ARHGAP29: variants seen among roughly 807,000 people sequenced by gnomAD.
The protein encoded by ARHGAP29 is rho GTPase-activating protein 29.
A neutral mutation model predicts 122.6 loss-of-function variants in ARHGAP29; 43 were observed. The observed-to-expected ratio is 0.35, with a 90% CI of 0.27 to 0.45. ARHGAP29 has a LOEUF of 0.45. Ranked by LOEUF, ARHGAP29 falls within the 20% of genes least tolerant of loss-of-function variation. The pLI, the probability that ARHGAP29 is intolerant of heterozygous loss-of-function variation, is 1.00. For synonymous variants in ARHGAP29, 506 were observed against 497.1 expected (o/e 1.02, Z -0.24); for missense variants, 1,303 against 1,477.2 (o/e 0.88, Z 1.93).
intron 17 of ARHGAP29, 128 bp downstream of exon 17, chr1:94,185,214 T>C (rs535809676): frequency 4.9e-6 from 6 of 1,214,498 alleles, no homozygotes; most frequent in African/African-American, 1.6e-5. Context: ...TATAAAATTA[T>C]AGAAGGTGTA....
chr1:94,206,901 T>A (rs1158906966), intron 5 of ARHGAP29, among the ~76,000 whole-genome samples: 5 of 149,262 alleles, frequency 3.3e-5, no homozygotes, highest in African/African-American at 4.9e-5. Flanking sequence ...TCTCAAAAAA[T>A]ATATATATAT....
chr1:94,247,468 G>A (rs2100688046), intron 1 of ARHGAP29, among the ~76,000 whole-genome samples: 1 of 151,560 alleles, frequency 6.6e-6, no homozygotes, highest in Non-Finnish European at 1.5e-5. Flanking sequence ...AGCCCCTGCC[G>A]GACCCTGGAC....
upstream of ARHGAP29, among the ~76,000 whole-genome samples, chr1:94,278,633 G>A (rs1655262974): frequency 6.6e-6 from 1 of 152,152 alleles, no homozygotes; most frequent in Non-Finnish European, 1.5e-5. Context: ...TGTCTTGAGA[G>A]ACATTCTGAA....
At chr1:94,182,811 T>TAAAAC (rs55980639) in intron 19 of ARHGAP29, among the ~76,000 whole-genome samples, 74,978 of 148,740 alleles carry the variant, frequency 0.5, 19,616 homozygotes, top group Non-Finnish European at 0.57. Context: ...AACAGGAGAA[T>TAAAAC]AAAACAAAAC....
At position 94,169,563 on chromosome 1, in the gene ARHGAP29, C is replaced by A. The variant is rs1468655975; in HGVS notation, c.*4306G>T. Among the ~76,000 whole-genome samples, 1 of 152,174 alleles carries A rather than the reference C, an allele frequency of 6.6e-6. No individual in the cohort carries two copies. The highest frequency in any genetic ancestry group is 1.5e-5 in the Non-Finnish European group (1 of 68,034). ...ATTGAATTGAAGGTGTCAATGTGAACTCAAAGTTTTCAATACGTATGTATA... is the reference window on the plus strand; with the variant it reads ...ATTGAATTGAAGGTGTCAATGTGAAATCAAAGTTTTCAATACGTATGTATA... On this transcript the variant is annotated 3_prime_UTR_variant, in exon 23 of 23. Coordinates refer to ENST00000260526, the MANE Select transcript of ARHGAP29 (RefSeq NM_004815.4).
intron 1 of ARHGAP29, among the ~76,000 whole-genome samples, chr1:94,256,225 C>T (rs1654341514): frequency 6.6e-6 from 1 of 151,362 alleles, no homozygotes; most frequent in African/African-American, 2.4e-5. Context: ...CTATTCCTCT[C>T]TGTATGTTTT....
At chr1:94,212,122 T>A (rs1651661957) in intron 3 of ARHGAP29, among the ~76,000 whole-genome samples, 2 of 152,064 alleles carry the variant, frequency 1.3e-5, no homozygotes. Flanking sequence ...CTACTAAAAG[T>A]ACAAAAATTA....
In ARHGAP29 at chr1:94,203,318, C is replaced by T. The variant is rs917566766; in HGVS notation, c.763-108G>A. On this transcript the variant is annotated intron_variant, in intron 8 of 22. Transcript: ENST00000260526. The stretch of plus-strand genomic sequence containing the variant: ...GGAAACTAAGTTTAGACTTTTGCCC[C>T]CAGAAAAATAACTAGTCAAAAACAT... 4 of 674,112 alleles carry T rather than the reference C, an allele frequency of 5.9e-6. No individual in the cohort carries two copies. The South Asian group carries it at 9.4e-5, about 16-fold the overall frequency. The allele number at this position is 674,112 out of a possible 1,614,324, so 41.8% of individuals were successfully genotyped here. A position where few individuals can be genotyped will look rare whatever the true frequency, so the allele number is the denominator to read the frequency against.
chr1:94,204,118 T>C lies in ARHGAP29; in HGVS notation c.698-124A>G, dbSNP rs1291685971. Reference sequence around the variant, plus strand: ...TCACAAATACTAGTGTGTATCAAGATATAATACAGCAATACTTCTTTCTTC... The same window carrying C: ...TCACAAATACTAGTGTGTATCAAGACATAATACAGCAATACTTCTTTCTTC... On this transcript the variant is annotated intron_variant, in intron 7 of 22. Coordinates refer to ENST00000260526, the MANE Select transcript of ARHGAP29 (RefSeq NM_004815.4). 5.0e-6 allele frequency: 3 copies of C among 597,866 alleles called. No homozygotes were observed. In the East Asian group the frequency reaches 9.1e-5, roughly 18 times the overall value. 37.0% of individuals were successfully genotyped at this position (597,866 alleles called of 1,614,324 possible).
the ARHGAP29 span, among the ~76,000 whole-genome samples, chr1:94,305,968 T>C: frequency 1.3e-5 from 2 of 152,228 alleles, no homozygotes; most frequent in African/African-American, 4.8e-5. Context: ...AGTGAGAGTC[T>C]ACACTGGAAC....
intron 1 of ARHGAP29, among the ~76,000 whole-genome samples, chr1:94,260,613 A>T (rs1654523787): frequency 6.6e-6 from 1 of 152,148 alleles, no homozygotes. Context: ...TTTAAATAGA[A>T]TGCTTTGTAG....
chr1:94,281,373 G>T, the ARHGAP29 span, among the ~76,000 whole-genome samples: 3 of 152,156 alleles, frequency 2.0e-5, no homozygotes, highest in African/African-American at 7.2e-5. Flanking sequence ...TAAGGCCCTT[G>T]TGCTATCATA....
chr1:94,247,606 C>T (rs1653865683), intron 1 of ARHGAP29, among the ~76,000 whole-genome samples: 1 of 151,552 alleles, frequency 6.6e-6, no homozygotes, highest in South Asian at 2.1e-4. Context: ...ACGGCCGCCC[C>T]ACACCTACGG....
At chr1:94,213,008 C>T (rs965389901) in intron 3 of ARHGAP29, among the ~76,000 whole-genome samples, 1 of 152,086 alleles carries the variant, frequency 6.6e-6, no homozygotes, top group African/African-American at 2.4e-5. Flanking sequence ...GTTCATTTTG[C>T]CATATTTCTC....
intron 6 of ARHGAP29, 88 bp downstream of exon 6, chr1:94,205,547 T>C: frequency 8.0e-7 from 1 of 1,242,296 alleles, no homozygotes; most frequent in Non-Finnish European, 1.2e-6. Flanking sequence ...ATACACTAGG[T>C]TACTAAGCAA....
chr1:94,217,581 G>A (rs1038934725), intron 3 of ARHGAP29, among the ~76,000 whole-genome samples: 7 of 151,688 alleles, frequency 4.6e-5, no homozygotes, highest in Admixed American at 2.6e-4. Context: ...GCTCATGCCT[G>A]TAATCCCAGC....
chr1:94,174,234 T>C lies in ARHGAP29; in HGVS notation c.3421A>G (p.Arg1141Gly). The change falls in exon 23 of 23, where the codon AGA becomes GGA. Residue 1141 changes from arginine (R) to glycine (G), a missense_variant. By Grantham distance (125) the Arg-to-Gly change is moderately radical. Transcript: ENST00000260526. ...PVRSVREASERRSSDSYPLAP... is the reference protein window; with the variant it reads ...PVRSVREASEGRSSDSYPLAP... ...AGAGGGTAGGAATCTGAAGACCGTC[T>C]CTCAGATGCCTCTCTCACTGACCTG... 4 of 1,614,222 alleles carry C rather than the reference T, an allele frequency of 2.5e-6. No individual in the cohort carries two copies. The highest frequency in any genetic ancestry group is 3.4e-6 in the Non-Finnish European group (4 of 1,180,034).
chr1:94,184,835 A>AT, intron 18 of ARHGAP29, 37 bp downstream of exon 18: 1 of 1,478,188 alleles, frequency 6.8e-7, no homozygotes, highest in Non-Finnish European at 9.1e-7. Context: ...TTACACAGGC[A>AT]TTTATGCTTT....
chr1:94,221,969 A>T (rs1401587374), intron 2 of ARHGAP29, among the ~76,000 whole-genome samples: 1 of 134,020 alleles, frequency 7.5e-6, no homozygotes, highest in Non-Finnish European at 1.7e-5. Context: ...AGGAAGGAAG[A>T]ACTTTAAAAA....
Sources: gnomAD v4.1 joint callset for allele counts (sites outside exome capture counted in the v4.1 genomes callset) on GRCh38, gnomAD v4.1.1 for gene constraint, MANE v1.5 for transcripts, NCBI Gene and HGNC (gene_info 2026-07-23, HGNC 2026-07-21) for gene names.